FHAD1: variants seen among roughly 807,000 people sequenced by gnomAD.
FHAD1 encodes forkhead associated phosphopeptide binding domain 1.
In FHAD1, 146 loss-of-function variants were observed where a neutral mutation model predicts 191.3. The observed-to-expected ratio is 0.76, with a 90% CI of 0.67 to 0.88. FHAD1 has a LOEUF of 0.88. FHAD1 is among the 40% of genes least tolerant of loss of function. The probability of loss-of-function intolerance (pLI) is 0.00; values close to 1 mark genes in which losing one functional copy is unlikely to be tolerated. For synonymous variants in FHAD1, 616 were observed against 672.3 expected, an observed-to-expected ratio of 0.92 and a Z score of 1.29; for missense variants, 1,635 against 1,785.8, an observed-to-expected ratio of 0.92 and a Z score of 1.52.
At chr1:15,353,732 GAA>G (rs60543047) in intron 20 of FHAD1, among the ~76,000 whole-genome samples, 3 of 116,726 alleles carry the variant, frequency 2.6e-5, no homozygotes, top group African/African-American at 9.5e-5. Context: ...AAAAAGAAAA[GAA>G]AAAAAAAAAA....
intron 4 of FHAD1, among the ~76,000 whole-genome samples, chr1:15,293,492 G>A (rs1430878434): frequency 2.0e-5 from 3 of 152,122 alleles, no homozygotes; most frequent in Non-Finnish European, 4.4e-5. Context: ...GGCCAAGGAG[G>A]GCGAATCACA....
intron 31 of FHAD1, among the ~76,000 whole-genome samples, chr1:15,386,496 C>T (rs1702115088): frequency 6.6e-6 from 1 of 152,200 alleles, no homozygotes; most frequent in Admixed American, 6.6e-5. Context: ...CAGAAGTTGC[C>T]CTTGGAGAAG....
At chr1:15,301,504 A>G in intron 6 of FHAD1, 63 bp downstream of exon 6, 2 of 1,456,872 alleles carry the variant, frequency 1.4e-6, no homozygotes, top group Non-Finnish European at 1.9e-6. Context: ...CCCCAGGACC[A>G]CCAACCAAGG....
intron 10 of FHAD1, 50 bp downstream of exon 10, chr1:15,317,978 A>G (rs1370925160): frequency 8.4e-7 from 1 of 1,190,176 alleles, no homozygotes; most frequent in East Asian, 2.6e-5. Flanking sequence ...GTAGCTCCCC[A>G]CTCATCATCC....
intron 6 of FHAD1, among the ~76,000 whole-genome samples, chr1:15,302,853 C>T (rs577914293): frequency 2.6e-5 from 4 of 152,312 alleles, no homozygotes; most frequent in Non-Finnish European, 4.4e-5. Context: ...CTCTGTTCGC[C>T]GATTCACTGC....
At chr1:15,345,273 C>T in intron 17 of FHAD1, 83 bp downstream of exon 17, 4 of 1,368,652 alleles carry the variant, frequency 2.9e-6, no homozygotes, top group South Asian at 2.5e-5. Flanking sequence ...CTGGGCCCGC[C>T]GGCTCTGAGC....
chr1:15,332,038 G>A (rs865835261), intron 14 of FHAD1, among the ~76,000 whole-genome samples: 12 of 152,226 alleles, frequency 7.9e-5, no homozygotes, highest in African/African-American at 1.4e-4. Flanking sequence ...AATAAGAATA[G>A]AGAAGTGATT....
At position 15,283,840 on chromosome 1, in the gene FHAD1, A is replaced by G. The variant is rs543633417; in HGVS notation, c.301-5559A>G. The stretch of plus-strand genomic sequence containing the variant: ...CATCTTGGGGATTTTCACACCATCT[A>G]TTTCTCATTTTCATTTTTTAACTCA... On this transcript the variant is annotated intron_variant, in intron 3 of 33. Transcript: ENST00000688493. Among the ~76,000 whole-genome samples, 34 of 152,262 alleles carry G rather than the reference A, an allele frequency of 2.2e-4. 1 individual carries two copies. The highest frequency in any genetic ancestry group is 1.6e-3 in the Admixed American group (24 of 15,288).
intron 19 of FHAD1, 127 bp from the exon 20 acceptor site, chr1:15,352,750 T>G: frequency 1.5e-6 from 1 of 686,574 alleles, no homozygotes; most frequent in Non-Finnish European, 2.5e-6. Context: ...GTGGGTGCTT[T>G]GTTCTTTGAG....
At position 15,326,746 on chromosome 1, in the gene FHAD1, C is replaced by G. The variant is rs552334305; in HGVS notation, c.1474-313C>G. On this transcript the variant is annotated intron_variant, in intron 11 of 33. Coordinates refer to ENST00000688493, the MANE Select transcript of FHAD1 (RefSeq NM_001391957.1). Reference sequence around the variant, plus strand: ...CTTAGCAATTACGGAAGAGCGCTCCCGGCCCCAGACTTCCCATTGGATAAT... The same window carrying G: ...CTTAGCAATTACGGAAGAGCGCTCCGGGCCCCAGACTTCCCATTGGATAAT... The G allele has an allele frequency of 8.9e-4, 210 of 235,484 alleles. 1 individual carries two copies. The highest frequency in any genetic ancestry group is 1.4e-4 in the Non-Finnish European group (17 of 122,446). 14.6% of individuals were successfully genotyped at this position (235,484 alleles called of 1,614,324 possible). A position where few individuals can be genotyped will look rare whatever the true frequency, so the allele number is the denominator to read the frequency against.
chr1:15,265,585 C>T (rs996715004), intron 2 of FHAD1, among the ~76,000 whole-genome samples: 4 of 152,138 alleles, frequency 2.6e-5, no homozygotes, highest in Non-Finnish European at 5.9e-5. Flanking sequence ...TTCTTAATCA[C>T]GGCTTGACAG....
intron 5 of FHAD1, among the ~76,000 whole-genome samples, 156 bp from the exon 6 acceptor site, chr1:15,301,049 C>T (rs192462513): frequency 2.6e-5 from 4 of 152,120 alleles, no homozygotes; most frequent in East Asian, 1.9e-4. Context: ...AGGCTGGTCT[C>T]GAACTCCTGA....
chr1:15,316,527 T>C lies in FHAD1; in HGVS notation c.1260+60T>C, dbSNP rs1674515206. On this transcript the variant is annotated intron_variant, in intron 9 of 33. Coordinates refer to ENST00000688493, the MANE Select transcript of FHAD1 (RefSeq NM_001391957.1). The surrounding 1 kb of genome is among the most constrained non-coding windows in gnomAD (Gnocchi z 4.3). ...GAAAAAACAGAGTTTGACCTTGAGG[T>C]TCTTGGTGGGATCCTGGGCCATCAC... 1 of 1,418,726 alleles carries C rather than the reference T, an allele frequency of 7.0e-7. No individual in the cohort carries two copies. The highest frequency in any genetic ancestry group is 1.4e-5 in the African/African-American group (1 of 69,828). The allele number at this position is 1,418,726 out of a possible 1,614,324, so 87.9% of individuals were successfully genotyped here.
chr1:15,369,581 C>A, intron 26 of FHAD1, 79 bp downstream of exon 26: 1 of 1,462,876 alleles, frequency 6.8e-7, no homozygotes, highest in Non-Finnish European at 9.3e-7. Context: ...CTTTTGAAGA[C>A]ACTTTCATTC....
intron 5 of FHAD1, among the ~76,000 whole-genome samples, chr1:15,298,613 G>A (rs566964406): frequency 6.6e-6 from 1 of 152,216 alleles, no homozygotes; most frequent in South Asian, 2.1e-4. Context: ...AACTTGCTTG[G>A]AGACCACCCA....
chr1:15,345,050 C>A, intron 16 of FHAD1, 33 bp from the exon 17 acceptor site: 2 of 1,511,310 alleles, frequency 1.3e-6, no homozygotes, highest in African/African-American at 1.4e-5. Context: ...CCATGGTAAC[C>A]ATGTCTGTTA....
chr1:15,384,600 A>G (rs1231560001), intron 31 of FHAD1: 1 of 152,248 alleles, frequency 6.6e-6, no homozygotes, highest in Non-Finnish European at 1.5e-5. Flanking sequence ...CTCCCTAGGC[A>G]CACACAATGC....
At chr1:15,237,490 C>T (rs1262713372) in intron 1 of FHAD1, among the ~76,000 whole-genome samples, 1 of 152,132 alleles carries the variant, frequency 6.6e-6, no homozygotes, top group Non-Finnish European at 1.5e-5. Flanking sequence ...TTCCTGACCC[C>T]ACAAGCTCCA....
chr1:15,379,311 G>T (rs1700357836), intron 28 of FHAD1, among the ~76,000 whole-genome samples: 1 of 152,202 alleles, frequency 6.6e-6, no homozygotes, highest in African/African-American at 2.4e-5. Flanking sequence ...CAAGGTAAAG[G>T]ATTAAGTGCT....
Sources: gnomAD v4.1 joint callset for allele counts (sites outside exome capture counted in the v4.1 genomes callset) on GRCh38, gnomAD v4.1.1 for gene constraint, Gnocchi (gnomAD v3.1) non-coding constraint, MANE v1.5 for transcripts, NCBI Gene and HGNC (gene_info 2026-07-23, HGNC 2026-07-21) for gene names.